LYPD6: variants seen among roughly 807,000 people sequenced by gnomAD.
The protein encoded by LYPD6 is ly6/PLAUR domain-containing protein 6.
A neutral mutation model predicts 22.7 loss-of-function variants in LYPD6; 15 were observed. The observed-to-expected ratio is 0.66, with a 90% confidence interval of 0.44 to 1.02. The LOEUF (loss-of-function observed/expected upper bound fraction) is 1.02, where lower values mean the gene tolerates loss of function less well. Among genes scored for constraint, LYPD6 ranks in the 50% least tolerant of loss-of-function variants. LYPD6 has a pLI of 0.00. For synonymous variants in LYPD6, 72 were observed against 77.5 expected (o/e 0.93, Z 0.37); for missense variants, 189 against 208.4 (o/e 0.91, Z 0.57).
chr2:149,338,958 A>G (rs1438137840), intron 1 of LYPD6, among the ~76,000 whole-genome samples: 1 of 152,204 alleles, frequency 6.6e-6, no homozygotes, highest in Non-Finnish European at 1.5e-5. Context: ...GTCATTTTCA[A>G]GAAAGACAGA....
intron 3 of LYPD6, among the ~76,000 whole-genome samples, chr2:149,467,583 A>T (rs1196657): frequency 6.6e-6 from 1 of 151,942 alleles, no homozygotes; most frequent in African/African-American, 2.4e-5. Flanking sequence ...GGTGGGGGAG[A>T]GGGGAGGAAT....
chr2:149,400,850 C>T (rs1682539616), intron 1 of LYPD6, among the ~76,000 whole-genome samples: 2 of 152,214 alleles, frequency 1.3e-5, no homozygotes, highest in South Asian at 4.2e-4. Context: ...TGGATCCTCA[C>T]TCCGGGGGCT....
intron 1 of LYPD6, among the ~76,000 whole-genome samples, chr2:149,369,985 G>A (rs563359692): frequency 6.6e-6 from 1 of 152,052 alleles, no homozygotes; most frequent in Admixed American, 6.5e-5. Flanking sequence ...GAGGTGGAGC[G>A]ATTAGCAGCA....
At chr2:149,456,475 C>G (rs1485500504) in intron 3 of LYPD6, among the ~76,000 whole-genome samples, 2 of 152,130 alleles carry the variant, frequency 1.3e-5, no homozygotes, top group Admixed American at 6.5e-5. Flanking sequence ...CATTTTTCCC[C>G]CTACCTGCTC....
downstream of LYPD6, among the ~76,000 whole-genome samples, chr2:149,474,568 A>G (rs1367344994): frequency 6.6e-6 from 1 of 152,046 alleles, no homozygotes; most frequent in Non-Finnish European, 1.5e-5. Flanking sequence ...ACAAACTTAT[A>G]TGTTTTCTCT....
At chr2:149,410,548 G>A (rs992614126) in intron 1 of LYPD6, among the ~76,000 whole-genome samples, 2 of 151,814 alleles carry the variant, frequency 1.3e-5, no homozygotes, top group Non-Finnish European at 2.9e-5. Context: ...AGTAACTCTT[G>A]CTTCTCCAGT....
intron 1 of LYPD6, among the ~76,000 whole-genome samples, chr2:149,397,191 A>G (rs79872532): frequency 0.023 from 3,528 of 152,302 alleles, 140 homozygotes; most frequent in African/African-American, 0.081. Context: ...ATTATCTCTC[A>G]TAGGTCTATG....
At chr2:149,413,273 G>T (rs893253125) in intron 1 of LYPD6, among the ~76,000 whole-genome samples, 4 of 152,108 alleles carry the variant, frequency 2.6e-5, no homozygotes, top group African/African-American at 9.7e-5. Context: ...CTAAGATGGG[G>T]GAAAGAGGAG....
At chr2:149,411,609 C>G (rs1301592544) in intron 1 of LYPD6, among the ~76,000 whole-genome samples, 1 of 152,172 alleles carries the variant, frequency 6.6e-6, no homozygotes, top group Non-Finnish European at 1.5e-5. Flanking sequence ...CAAATTGACT[C>G]ACTCACATGA....
chr2:149,470,865 C>T lies in LYPD6; in HGVS notation c.*15C>T, dbSNP rs770429747. ...TCATGTTATAGTGGCTCAGTGGCTCCATGTGTTAATAGCGATCCATGGGGA... is the reference window on the plus strand; with the variant it reads ...TCATGTTATAGTGGCTCAGTGGCTCTATGTGTTAATAGCGATCCATGGGGA... On this transcript the variant is annotated 3_prime_UTR_variant, in exon 5 of 5. Coordinates refer to ENST00000334166, the MANE Select transcript of LYPD6 (RefSeq NM_194317.5). 6.2e-7 allele frequency: 1 copy of T among 1,605,564 alleles called. No individual in the cohort carries two copies. Among genetic ancestry groups the T allele is most frequent in the South Asian group, 1.1e-5 (1 of 90,374 alleles).
At chr2:149,466,218 C>T (rs1435114243) in intron 3 of LYPD6, among the ~76,000 whole-genome samples, 1 of 152,186 alleles carries the variant, frequency 6.6e-6, no homozygotes, top group Non-Finnish European at 1.5e-5. Context: ...ATAGAAGGTT[C>T]TCATAAGTTG....
intron 1 of LYPD6, among the ~76,000 whole-genome samples, chr2:149,402,089 T>C (rs1682569178): frequency 6.6e-6 from 1 of 151,800 alleles, no homozygotes; most frequent in South Asian, 2.1e-4. Context: ...TGTATACCTA[T>C]GTAACAAACC....
intron 3 of LYPD6, chr2:149,464,463 A>C (rs147632805): frequency 6.0e-6 from 1 of 167,356 alleles, no homozygotes; most frequent in Admixed American, 6.1e-5. Flanking sequence ...TGGAGCCTCC[A>C]TCAAGGAGAA....
intron 3 of LYPD6, among the ~76,000 whole-genome samples, chr2:149,465,795 C>T (rs1192217086): frequency 6.6e-6 from 1 of 152,034 alleles, no homozygotes; most frequent in Non-Finnish European, 1.5e-5. Flanking sequence ...TTATATTTTC[C>T]AATTGTTGAT....
chr2:149,450,423 T>G (rs1362803191), intron 3 of LYPD6, among the ~76,000 whole-genome samples: 2 of 152,186 alleles, frequency 1.3e-5, no homozygotes, highest in African/African-American at 4.8e-5. Flanking sequence ...ATGATTCTAA[T>G]GAAAAGTCAG....
chr2:149,407,374 C>G (rs1301901224), intron 1 of LYPD6, among the ~76,000 whole-genome samples: 1 of 152,156 alleles, frequency 6.6e-6, no homozygotes, highest in Admixed American at 6.5e-5. Flanking sequence ...GTATACCAAT[C>G]AGACGTAGAT....
chr2:149,332,462 C>T lies in LYPD6; in HGVS notation c.-72+1740C>T, dbSNP rs1350593074. On this transcript the variant is annotated intron_variant, in intron 1 of 4. Transcript: ENST00000334166. Reference sequence around the variant, plus strand: ...AAATAATATCAAGTAAAAAACCATACCATGTGTTGTATCATACTGGATAGT... The same window carrying T: ...AAATAATATCAAGTAAAAAACCATATCATGTGTTGTATCATACTGGATAGT... 5.9e-3 allele frequency among the ~76,000 whole-genome samples: 893 copies of T among 152,230 alleles called. 13 individuals are homozygous for T. The highest frequency in any genetic ancestry group is 0.02 in the African/African-American group (827 of 41,546).
At chr2:149,441,006 A>T (rs962763349) in intron 2 of LYPD6, among the ~76,000 whole-genome samples, 1 of 151,944 alleles carries the variant, frequency 6.6e-6, no homozygotes, top group African/African-American at 2.4e-5. Context: ...CGCCTGGCCT[A>T]TTCTGTCCAC....
At chr2:149,482,004 G>A in the LYPD6 span, among the ~76,000 whole-genome samples, 1 of 152,178 alleles carries the variant, frequency 6.6e-6, no homozygotes, top group Non-Finnish European at 1.5e-5. Flanking sequence ...TGGCTGCCCA[G>A]TGCAGTCCCT....
Sources: gnomAD v4.1 joint callset for allele counts (sites outside exome capture counted in the v4.1 genomes callset) on GRCh38, gnomAD v4.1.1 for gene constraint, MANE v1.5 for transcripts, NCBI Gene and HGNC (gene_info 2026-07-23, HGNC 2026-07-21) for gene names.